CCNY: variants seen among roughly 807,000 people sequenced by gnomAD.
CCNY encodes the protein cyclin Y.
Under a neutral mutation model 42.8 loss-of-function variants are expected in CCNY, and 19 were observed. That is an observed-to-expected ratio of 0.44 (90% CI 0.31 to 0.65). The LOEUF is 0.65. Ranked by LOEUF, CCNY falls within the 30% of genes least tolerant of loss-of-function variation. The pLI, the probability that CCNY is intolerant of heterozygous loss-of-function variation, is 0.07. For synonymous variants in CCNY, 165 were observed against 162.7 expected (o/e 1.01, Z -0.11); for missense variants, 370 against 437.3 (o/e 0.85, Z 1.37).
intron 1 of CCNY, among the ~76,000 whole-genome samples, chr10:35,454,125 A>G (rs1384854580): frequency 6.6e-6 from 1 of 152,120 alleles, no homozygotes; most frequent in African/African-American, 2.4e-5. Context: ...TGTGGGTGGG[A>G]ATCTTGTACT....
At chr10:35,374,473 A>G (rs2135180900) in intron 1 of CCNY, among the ~76,000 whole-genome samples, 1 of 152,370 alleles carries the variant, frequency 6.6e-6, no homozygotes, top group African/African-American at 2.4e-5. Context: ...ATCTTGTGAT[A>G]AATGAGTACA....
At chr10:35,415,182 C>G (rs1242280067) in intron 1 of CCNY, among the ~76,000 whole-genome samples, 1 of 152,176 alleles carries the variant, frequency 6.6e-6, no homozygotes, top group Non-Finnish European at 1.5e-5. Context: ...GAGCCTGGCC[C>G]TAAGGGCAGA....
At chr10:35,421,153 A>G (rs1015539427) in intron 1 of CCNY, among the ~76,000 whole-genome samples, 2 of 152,182 alleles carry the variant, frequency 1.3e-5, no homozygotes, top group African/African-American at 4.8e-5. Flanking sequence ...CACGGGTTGG[A>G]CAGGCCGCTT....
rs547358205 is a variant in CCNY, at chr10:35,426,690, A to C, written c.155-56714A>C. ...CTGATGCTGAACCAGTGATGACTTT[A>C]AAGCCAATATCTATATTCCTGAGAC... On this transcript the variant is annotated intron_variant, in intron 1 of 9. Coordinates refer to ENST00000374704, the MANE Select transcript of CCNY (RefSeq NM_145012.6). 3.3e-5 allele frequency among the ~76,000 whole-genome samples: 5 copies of C among 152,360 alleles called. No homozygotes were observed. In the East Asian group the frequency reaches 9.6e-4, roughly 29 times the overall value.
intron 3 of CCNY, among the ~76,000 whole-genome samples, chr10:35,298,500 A>G (rs1835497086): frequency 6.6e-6 from 1 of 151,928 alleles, no homozygotes; most frequent in Non-Finnish European, 1.5e-5. Flanking sequence ...TGTATTGTTG[A>G]GTATTATTCC....
At chr10:35,390,245 G>A (rs886922107) in intron 1 of CCNY, among the ~76,000 whole-genome samples, 1 of 152,182 alleles carries the variant, frequency 6.6e-6, no homozygotes, top group Non-Finnish European at 1.5e-5. Flanking sequence ...TGATTAATTA[G>A]TAGGAAGCAA....
chr10:35,390,093 C>T (rs1323317531), intron 1 of CCNY, among the ~76,000 whole-genome samples: 1 of 152,186 alleles, frequency 6.6e-6, no homozygotes, highest in African/African-American at 2.4e-5. Flanking sequence ...TGAGAACTAT[C>T]AGATTATGTT....
chr10:35,441,185 C>T (rs895817395), intron 1 of CCNY, among the ~76,000 whole-genome samples: 14 of 152,172 alleles, frequency 9.2e-5, no homozygotes, highest in Non-Finnish European at 1.3e-4. Flanking sequence ...TTCTGAATAC[C>T]GCCTTGTTTT....
chr10:35,259,184 G>A (rs550521864), intron 3 of CCNY, among the ~76,000 whole-genome samples: 1 of 152,096 alleles, frequency 6.6e-6, no homozygotes, highest in African/African-American at 2.4e-5. Flanking sequence ...CTTCCTATTC[G>A]ATCATCTTTC....
At chr10:35,340,652 G>A (rs1401640562) in intron 1 of CCNY, among the ~76,000 whole-genome samples, 1 of 152,002 alleles carries the variant, frequency 6.6e-6, no homozygotes, top group Non-Finnish European at 1.5e-5. Flanking sequence ...TTACAGGCAT[G>A]CGCCACCACG....
chr10:35,276,415 T>C (rs1835239366), intron 3 of CCNY, among the ~76,000 whole-genome samples: 1 of 152,164 alleles, frequency 6.6e-6, no homozygotes, highest in Non-Finnish European at 1.5e-5. Context: ...AGACATGGTT[T>C]TGCTCTGTCA....
chr10:35,483,292 C>A, intron 1 of CCNY, 112 bp from the exon 2 acceptor site: 1 of 704,604 alleles, frequency 1.4e-6, no homozygotes, highest in Admixed American at 2.8e-5. Flanking sequence ...TATAGGTTTC[C>A]AGAATCCTTG....
intron 7 of CCNY, among the ~76,000 whole-genome samples, chr10:35,540,518 A>G (rs1564451450): frequency 1.3e-5 from 2 of 151,566 alleles, no homozygotes; most frequent in Non-Finnish European, 2.9e-5. Flanking sequence ...TTTTGGTATC[A>G]GGGTAATAGT....
chr10:35,511,885 A>G (rs760396412), intron 3 of CCNY, among the ~76,000 whole-genome samples: 1 of 152,224 alleles, frequency 6.6e-6, no homozygotes, highest in Non-Finnish European at 1.5e-5. Flanking sequence ...GTCTCTCCCC[A>G]GTGGAGAACG....
At chr10:35,507,648 G>A (rs761118839) in intron 3 of CCNY, among the ~76,000 whole-genome samples, 2 of 152,192 alleles carry the variant, frequency 1.3e-5, no homozygotes, top group African/African-American at 2.4e-5. Context: ...CCGCTACAGC[G>A]TGTTTTTCTG....
intron 3 of CCNY, among the ~76,000 whole-genome samples, chr10:35,287,687 C>G (rs981148370): frequency 3.3e-5 from 5 of 152,044 alleles, no homozygotes; most frequent in Non-Finnish European, 7.4e-5. Flanking sequence ...TTACTGACTC[C>G]TATTTCATTG....
At chr10:35,282,599 T>G (rs1419224142) in intron 3 of CCNY, among the ~76,000 whole-genome samples, 2 of 151,170 alleles carry the variant, frequency 1.3e-5, no homozygotes, top group African/African-American at 4.9e-5. Flanking sequence ...TGGTGGCAGG[T>G]GCCTCCCAAG....
At chr10:35,454,624 G>A (rs1193612026) in intron 1 of CCNY, among the ~76,000 whole-genome samples, 3 of 152,206 alleles carry the variant, frequency 2.0e-5, no homozygotes, top group Admixed American at 6.5e-5. Context: ...GAACCTCAGC[G>A]GCTTCGCCTG....
At chr10:35,350,071 C>T (rs116798843) in intron 1 of CCNY, among the ~76,000 whole-genome samples, 57 of 152,236 alleles carry the variant, frequency 3.7e-4, no homozygotes, top group African/African-American at 1.2e-3. Flanking sequence ...CAAAGGGCTG[C>T]GTTGTTCCTT....
Sources: gnomAD v4.1 joint callset for allele counts (sites outside exome capture counted in the v4.1 genomes callset) on GRCh38, gnomAD v4.1.1 for gene constraint, MANE v1.5 for transcripts, NCBI Gene and HGNC (gene_info 2026-07-23, HGNC 2026-07-21) for gene names.